Variants in PINX1 observed in about 807,000 individuals in gnomAD.
PINX1 encodes PIN2/TERF1-interacting telomerase inhibitor 1.
PINX1 carries 34 observed loss-of-function variants against 25.4 expected under a neutral mutation model. The observed-to-expected ratio is 1.34, with a 90% CI of 1.02 to 1.78. The LOEUF (loss-of-function observed/expected upper bound fraction) is 1.78. Among genes scored for constraint, PINX1 ranks in the 40% most tolerant of loss-of-function variants. PINX1 has a pLI of 0.00. For synonymous variants in PINX1, 197 were observed against 147.7 expected (o/e 1.33, Z -2.42); for missense variants, 592 against 404.9 (o/e 1.46, Z -3.97).
intron 6 of PINX1, among the ~76,000 whole-genome samples, chr8:10,780,038 T>C (rs954583141): frequency 1.3e-5 from 2 of 152,204 alleles, no homozygotes; most frequent in Admixed American, 1.3e-4. Flanking sequence ...TATCTGTGTA[T>C]AGAGATACCA....
chr8:10,780,326 C>A (rs1322205978), intron 6 of PINX1, among the ~76,000 whole-genome samples: 1 of 152,148 alleles, frequency 6.6e-6, no homozygotes, highest in African/African-American at 2.4e-5. Context: ...CACTTCCCCC[C>A]ATCAGTTATG....
Position 10,765,165 on chromosome 8 carries a change from T to A in PINX1, c.*236A>T. 1 of 515,566 alleles carries A rather than the reference T, an allele frequency of 1.9e-6. No homozygotes were observed. The highest frequency in any genetic ancestry group is 3.1e-5 in the East Asian group (1 of 32,710). The allele number at this position is 515,566 out of a possible 1,614,324, so 31.9% of individuals were successfully genotyped here. ...AACTCTCTTGCTGAAGGGCTCAGAG[T>A]TTACAAAAAAATTTATTTGTGTCTG... On this transcript the variant is annotated 3_prime_UTR_variant, in exon 7 of 7. Transcript: ENST00000314787.
intron 5 of PINX1, chr8:10,825,352 C>A (rs140227707): frequency 1.9e-6 from 1 of 534,604 alleles, no homozygotes; most frequent in African/African-American, 1.9e-5. Flanking sequence ...CAGGAAAGAA[C>A]CATCAACAGA....
intron 6 of PINX1, among the ~76,000 whole-genome samples, chr8:10,787,067 C>G (rs1458756576): frequency 2.0e-5 from 3 of 152,090 alleles, no homozygotes; most frequent in Non-Finnish European, 2.9e-5. Context: ...TGACTCTTAC[C>G]CAATTTTTCC....
chr8:10,785,211 G>C (rs1351550132), intron 6 of PINX1, among the ~76,000 whole-genome samples: 2 of 152,200 alleles, frequency 1.3e-5, no homozygotes, highest in Admixed American at 6.5e-5. Context: ...TAAGCATCAA[G>C]AGATATTCTA....
intron 6 of PINX1, among the ~76,000 whole-genome samples, chr8:10,780,353 TTTCA>T (rs1563205971): frequency 1.3e-5 from 2 of 152,206 alleles, no homozygotes; most frequent in Non-Finnish European, 2.9e-5. Context: ...ACTATGGGTT[TTTCA>T]TAAGTGGCCT....
chr8:10,820,640 G>C (rs1016540355), intron 5 of PINX1, among the ~76,000 whole-genome samples: 1 of 152,080 alleles, frequency 6.6e-6, no homozygotes, highest in Non-Finnish European at 1.5e-5. Context: ...ATTTGCTTCA[G>C]AGACATGAGC....
At chr8:10,839,022 G>C (rs57707271) in intron 1 of PINX1, among the ~76,000 whole-genome samples, 1 of 152,176 alleles carries the variant, frequency 6.6e-6, no homozygotes, top group African/African-American at 2.4e-5. Context: ...TCGCCAAGCA[G>C]GACCCGCTTT....
In PINX1 at chr8:10,826,139, T is replaced by A. The variant is rs188458176; in HGVS notation, c.394+13A>T. 7 of 1,424,054 alleles carry A rather than the reference T, an allele frequency of 4.9e-6. No individual in the cohort carries two copies. Among genetic ancestry groups the A allele is most frequent in the Non-Finnish European group, 6.8e-6 (7 of 1,023,684 alleles). 88.2% of individuals were successfully genotyped at this position (1,424,054 alleles called of 1,614,324 possible). The stretch of plus-strand genomic sequence containing the variant: ...TAGATTTCAATAACAAGTAAAGAAA[T>A]GCTTAATCTTACCTTTTGTGAATTT... On this transcript the variant is annotated intron_variant, in intron 5 of 6. Coordinates refer to ENST00000314787, the MANE Select transcript of PINX1 (RefSeq NM_017884.6).
intron 5 of PINX1, among the ~76,000 whole-genome samples, chr8:10,823,436 G>A (rs1380188834): frequency 6.6e-6 from 1 of 152,008 alleles, no homozygotes; most frequent in East Asian, 1.9e-4. Flanking sequence ...CATCCAGTCA[G>A]AAAACCTCAG....
chr8:10,781,017 T>A (rs994774604), intron 6 of PINX1, among the ~76,000 whole-genome samples: 2 of 152,098 alleles, frequency 1.3e-5, no homozygotes, highest in South Asian at 4.1e-4. Flanking sequence ...CACAGACCAA[T>A]GGAACAGGTT....
At position 10,765,352 on chromosome 8, in the gene PINX1, C is replaced by G. The variant is rs565525120; in HGVS notation, c.*49G>C. Reference sequence around the variant, plus strand: ...ACTTCAGGCCAGAGGTGTCTGCCCCCGCAGTGCCCTGACAGCTGAGTGGTC... The same window carrying G: ...ACTTCAGGCCAGAGGTGTCTGCCCCGGCAGTGCCCTGACAGCTGAGTGGTC... On this transcript the variant is annotated 3_prime_UTR_variant, in exon 7 of 7. Coordinates refer to ENST00000314787, the MANE Select transcript of PINX1 (RefSeq NM_017884.6). 4.7e-6 allele frequency: 7 copies of G among 1,499,922 alleles called. No homozygotes were observed. The highest frequency in any genetic ancestry group is 6.2e-6 in the Non-Finnish European group (7 of 1,125,424). The allele number at this position is 1,499,922 out of a possible 1,614,324, so 92.9% of individuals were successfully genotyped here. A position where few individuals can be genotyped will look rare whatever the true frequency, so the allele number is the denominator to read the frequency against.
At position 10,834,822 on chromosome 8, in the gene PINX1, A is replaced by T. The variant is rs751197371; in HGVS notation, c.20-47T>A. 6.8e-6 allele frequency: 9 copies of T among 1,320,152 alleles called. No individual in the cohort carries two copies. In the African/African-American group the frequency reaches 8.7e-5, roughly 13 times the overall value. 81.8% of individuals were successfully genotyped at this position (1,320,152 alleles called of 1,614,324 possible). On this transcript the variant is annotated intron_variant, in intron 1 of 6. Transcript: ENST00000314787. Reference sequence around the variant, plus strand: ...CATCAGCAATGGAGATGATACCCGGAAAATACCACACAAACATACACATGC... The same window carrying T: ...CATCAGCAATGGAGATGATACCCGGTAAATACCACACAAACATACACATGC...
intron 5 of PINX1, chr8:10,825,373 T>C (rs754360055): frequency 1.9e-6 from 1 of 534,808 alleles, no homozygotes; most frequent in South Asian, 1.4e-5. Flanking sequence ...GACTAGATAT[T>C]ACAGCATCAG....
intron 6 of PINX1, among the ~76,000 whole-genome samples, chr8:10,775,593 T>C (rs1022997852): frequency 5.9e-5 from 9 of 152,194 alleles, no homozygotes; most frequent in African/African-American, 1.4e-4. Context: ...AAATGCTTAC[T>C]CTTAATTTCT....
chr8:10,798,701 C>G (rs1802167562), intron 6 of PINX1, among the ~76,000 whole-genome samples: 2 of 152,226 alleles, frequency 1.3e-5, no homozygotes, highest in Non-Finnish European at 2.9e-5. Flanking sequence ...AAGGTAGAGA[C>G]ACCTTTTCTA....
intron 6 of PINX1, among the ~76,000 whole-genome samples, chr8:10,814,529 T>C (rs931781260): frequency 9.9e-5 from 15 of 152,210 alleles, no homozygotes; most frequent in Non-Finnish European, 1.3e-4. Context: ...TTCTGGCAAA[T>C]TGGATTGATT....
At chr8:10,830,904 T>A (rs1586208851) in intron 4 of PINX1, among the ~76,000 whole-genome samples, 1 of 152,170 alleles carries the variant, frequency 6.6e-6, no homozygotes, top group Middle Eastern at 3.4e-3. Flanking sequence ...CCTCAAAAAG[T>A]TAAAAATAGA....
rs115350159 is a variant in PINX1 at position 10,826,645 on chromosome 8, T to C, written c.302-401A>G. On this transcript the variant is annotated intron_variant, in intron 4 of 6. Transcript: ENST00000314787. ...GAACAGCTGAGCAACCCCTGGGCCA[T>C]CCTTACAGTGGAATACCACTCCACA... 2.9e-3 allele frequency among the ~76,000 whole-genome samples: 435 copies of C among 152,292 alleles called. 2 individuals are homozygous for C. The highest frequency in any genetic ancestry group is 1.0e-2 in the African/African-American group (415 of 41,552).
Sources: gnomAD v4.1 joint callset for allele counts (sites outside exome capture counted in the v4.1 genomes callset) on GRCh38, gnomAD v4.1.1 for gene constraint, MANE v1.5 for transcripts, NCBI Gene and HGNC (gene_info 2026-07-23, HGNC 2026-07-21) for gene names.